NRXN1: variants seen among roughly 807,000 people sequenced by gnomAD.
The protein encoded by NRXN1 is neurexin-1.
In NRXN1, 39 loss-of-function variants were observed where a neutral mutation model predicts 150.9. The observed-to-expected ratio is 0.26, with a 90% CI of 0.20 to 0.34. NRXN1 has a LOEUF of 0.34. NRXN1 is among the 10% of genes least tolerant of loss of function. NRXN1 has a pLI of 1.00. For missense variants in NRXN1, 1,815 were observed against 1,949.9 expected, an observed-to-expected ratio of 0.93 and a Z score of 1.30; for synonymous variants, 924 against 757.0, an observed-to-expected ratio of 1.22 and a Z score of -3.62.
chr2:50,228,529 G>A (rs2064625998), intron 18 of NRXN1, among the ~76,000 whole-genome samples: 1 of 152,002 alleles, frequency 6.6e-6, no homozygotes, highest in Non-Finnish European at 1.5e-5. Context: ...GAGATGCTGA[G>A]TAAGCAGTTG....
intron 18 of NRXN1, among the ~76,000 whole-genome samples, chr2:50,120,064 C>T (rs1012657778): frequency 7.9e-5 from 12 of 152,128 alleles, no homozygotes; most frequent in Admixed American, 7.2e-4. Context: ...GATTCTTGCT[C>T]TATTGTTAAT....
chr2:50,386,455 C>A (rs1318889149), intron 17 of NRXN1, among the ~76,000 whole-genome samples: 1 of 151,616 alleles, frequency 6.6e-6, no homozygotes, highest in Non-Finnish European at 1.5e-5. Flanking sequence ...ATGAGTCTTA[C>A]AGAAGTAGGA....
In NRXN1 at chr2:51,006,979, A is replaced by ATGGG. The variant is rs200325258; in HGVS notation, c.772+20522_772+20523insCCCA. ...AAATGTCTATATTCACCTATAATCT[A>ATGGG]TGAACACCAATAGAGCAGTGACCTG... On this transcript the variant is annotated intron_variant, in intron 2 of 22. Coordinates refer to ENST00000401669, the MANE Select transcript of NRXN1 (RefSeq NM_001330078.2). 8.6e-3 allele frequency among the ~76,000 whole-genome samples: 1,304 copies of ATGGG among 151,952 alleles called. 22 individuals carry two copies. Among genetic ancestry groups the ATGGG allele is most frequent in the African/African-American group, 0.029 (1,218 of 41,506 alleles).
chr2:50,872,294 T>G (rs1261748140), intron 5 of NRXN1, among the ~76,000 whole-genome samples: 2 of 151,864 alleles, frequency 1.3e-5, no homozygotes, highest in Non-Finnish European at 2.9e-5. Context: ...TAATGGTGAT[T>G]GTACACAGTA....
At chr2:50,753,692 A>G (rs533834537) in intron 5 of NRXN1, among the ~76,000 whole-genome samples, 46 of 152,004 alleles carry the variant, frequency 3.0e-4, no homozygotes, top group African/African-American at 9.6e-4. Context: ...AATACCAGAA[A>G]AGGTTTAAGT....
At chr2:50,905,865 G>A (rs1018145564) in intron 5 of NRXN1, among the ~76,000 whole-genome samples, 1 of 152,080 alleles carries the variant, frequency 6.6e-6, no homozygotes, top group African/African-American at 2.4e-5. Context: ...AAGATAAAGT[G>A]AATTAATTAC....
In NRXN1 at chr2:50,676,985, G is replaced by A. The variant is rs561694796; in HGVS notation, c.833-53370C>T. On this transcript the variant is annotated intron_variant, in intron 5 of 22. Coordinates refer to ENST00000401669, the MANE Select transcript of NRXN1 (RefSeq NM_001330078.2). ...GTTTTTGAGAACAGTGAGATATAAAGTATATGGGCATTCACAGATAACAGG... is the reference window on the plus strand; with the variant it reads ...GTTTTTGAGAACAGTGAGATATAAAATATATGGGCATTCACAGATAACAGG... Among the ~76,000 whole-genome samples the A allele has an allele frequency of 8.5e-5, 13 of 152,256 alleles. No homozygotes were observed. The East Asian group carries it at 2.3e-3, about 27-fold the overall frequency.
intron 22 of NRXN1, among the ~76,000 whole-genome samples, chr2:49,942,589 A>ATATTATTATTATTAT (rs1553398763): frequency 1.3e-5 from 2 of 149,116 alleles, no homozygotes; most frequent in African/African-American, 4.9e-5. Flanking sequence ...AATGCAAACA[A>ATATTATTATTATTAT]TATTATTATT....
chr2:50,118,600 A>G (rs147402301), intron 18 of NRXN1, among the ~76,000 whole-genome samples: 16 of 152,192 alleles, frequency 1.1e-4, no homozygotes, highest in African/African-American at 2.7e-4. Context: ...GTAGCTCAAC[A>G]AAAAAGAGAG....
chr2:50,058,043 A>T (rs2152636770), intron 19 of NRXN1, among the ~76,000 whole-genome samples: 1 of 152,316 alleles, frequency 6.6e-6, no homozygotes, highest in South Asian at 2.1e-4. Context: ...AATGACTTTT[A>T]AAAAGATCAC....
intron 5 of NRXN1, among the ~76,000 whole-genome samples, chr2:50,708,725 G>A (rs1273088239): frequency 1.3e-5 from 2 of 152,080 alleles, no homozygotes; most frequent in African/African-American, 2.4e-5. Flanking sequence ...GTAAAGTATC[G>A]GTGGGATCTA....
chr2:50,979,299 C>G (rs553986622), intron 2 of NRXN1: 26 of 517,276 alleles, frequency 5.0e-5, no homozygotes, highest in South Asian at 3.6e-4. Context: ...AGAACTTCCT[C>G]ACCCATGGAC....
Position 50,347,094 on chromosome 2 carries a change from T to C in NRXN1, c.3365-110124A>G. ...GCCAGGGCACCCATCCTCTCCCTCC[T>C]TCGGACAGTCTTCTCGGGGTCCTGG... On this transcript the variant is annotated intron_variant, in intron 17 of 22. Coordinates refer to ENST00000401669, the MANE Select transcript of NRXN1 (RefSeq NM_001330078.2). This position sits in a 1 kb window ranked among gnomAD's most constrained non-coding sequence, Gnocchi z 4.9. 7.2e-7 allele frequency: 1 copy of C among 1,386,352 alleles called. No homozygotes were observed. Among genetic ancestry groups the C allele is most frequent in the Non-Finnish European group, 9.5e-7 (1 of 1,054,084 alleles). 85.9% of individuals were successfully genotyped at this position (1,386,352 alleles called of 1,614,324 possible). A position where few individuals can be genotyped will look rare whatever the true frequency, so the allele number is the denominator to read the frequency against.
At chr2:50,934,453 T>C (rs954437749) in intron 2 of NRXN1, among the ~76,000 whole-genome samples, 1 of 152,158 alleles carries the variant, frequency 6.6e-6, no homozygotes, top group African/African-American at 2.4e-5. Flanking sequence ...TCTAACTGCA[T>C]GATTGAATAT....
chr2:50,495,217 C>T (rs1439997953), intron 15 of NRXN1, among the ~76,000 whole-genome samples: 1 of 152,138 alleles, frequency 6.6e-6, no homozygotes, highest in Admixed American at 6.5e-5. Flanking sequence ...ATAGAAACTT[C>T]AGTCATTTCT....
intron 21 of NRXN1, among the ~76,000 whole-genome samples, chr2:49,990,503 G>A (rs1464682438): frequency 2.0e-5 from 3 of 152,296 alleles, no homozygotes; most frequent in Admixed American, 1.3e-4. Flanking sequence ...CATCCTGTAT[G>A]TTCCATGGAG....
intron 5 of NRXN1, chr2:50,920,001 A>G (rs1411316457): frequency 2.5e-6 from 1 of 402,758 alleles, no homozygotes; most frequent in East Asian, 8.3e-5. Flanking sequence ...GATTTGTTGA[A>G]TTAATCTGCA....
chr2:50,907,585 T>A (rs1049257515), intron 5 of NRXN1, among the ~76,000 whole-genome samples: 1 of 152,014 alleles, frequency 6.6e-6, no homozygotes, highest in African/African-American at 2.4e-5. Flanking sequence ...CTGGACCCAA[T>A]GTTGTCACAA....
chr2:51,006,727 C>T (rs1037345480), intron 2 of NRXN1, among the ~76,000 whole-genome samples: 1 of 151,892 alleles, frequency 6.6e-6, no homozygotes, highest in Non-Finnish European at 1.5e-5. Flanking sequence ...CAACATCTTG[C>T]CTCTGTGCAC....
Sources: allele counts gnomAD v4.1 joint callset (sites outside exome capture counted in the v4.1 genomes callset), GRCh38; gene constraint gnomAD v4.1.1; non-coding constraint Gnocchi (gnomAD v3.1); transcripts MANE v1.5; gene names NCBI Gene and HGNC (gene_info 2026-07-23, HGNC 2026-07-21).